The following NTNG1 variants were observed in gnomAD, a reference collection of about 807,000 sequenced individuals.
NTNG1 encodes the protein netrin-G1.
Under a neutral mutation model 54.0 loss-of-function variants are expected in NTNG1, and 16 were observed. That is an observed-to-expected ratio of 0.30 (90% confidence interval 0.20 to 0.45). The LOEUF is 0.45. Among genes scored for constraint, NTNG1 ranks in the 20% least tolerant of loss-of-function variants. NTNG1 has a pLI of 1.00. For synonymous variants in NTNG1, 255 were observed against 263.1 expected, an observed-to-expected ratio of 0.97 and a Z score of 0.30; for missense variants, 530 against 678.7, an observed-to-expected ratio of 0.78 and a Z score of 2.43.
At chr1:107,259,268 A>G (rs990605884) in intron 2 of NTNG1, among the ~76,000 whole-genome samples, 1 of 152,144 alleles carries the variant, frequency 6.6e-6, no homozygotes, top group Non-Finnish European at 1.5e-5. Context: ...AACTGTTTCC[A>G]TCTGCATTAC....
chr1:107,442,992 T>TC (rs1676066590), intron 7 of NTNG1, among the ~76,000 whole-genome samples: 1 of 152,082 alleles, frequency 6.6e-6, no homozygotes, highest in Admixed American at 6.6e-5. Flanking sequence ...AATGACAACT[T>TC]CCCCAGACTC....
At chr1:107,379,704 A>G (rs1671522244) in intron 3 of NTNG1, among the ~76,000 whole-genome samples, 1 of 152,200 alleles carries the variant, frequency 6.6e-6, no homozygotes, top group Non-Finnish European at 1.5e-5. Flanking sequence ...TTTTTTAAAT[A>G]CTTCAAAGAT....
chr1:107,219,260 A>G (rs1220149998), intron 2 of NTNG1, among the ~76,000 whole-genome samples: 4 of 151,854 alleles, frequency 2.6e-5, no homozygotes, highest in Non-Finnish European at 5.9e-5. Context: ...TATTTCCAGA[A>G]GTTGTGATTG....
intron 2 of NTNG1, among the ~76,000 whole-genome samples, chr1:107,232,392 T>C (rs1022402239): frequency 6.6e-6 from 1 of 152,224 alleles, no homozygotes; most frequent in Non-Finnish European, 1.5e-5. Flanking sequence ...CCAGAAACTC[T>C]GGGTCTTGTG....
chr1:107,261,822 G>T (rs533516249), intron 2 of NTNG1, among the ~76,000 whole-genome samples: 1 of 152,298 alleles, frequency 6.6e-6, no homozygotes, highest in African/African-American at 2.4e-5. Context: ...CAGCCTGGGC[G>T]ACAGAGTGAG....
At chr1:107,388,389 G>A (rs1672150495) in intron 3 of NTNG1, among the ~76,000 whole-genome samples, 1 of 152,212 alleles carries the variant, frequency 6.6e-6, no homozygotes, top group Admixed American at 6.5e-5. Context: ...CAGCAAGAGT[G>A]AATGCCCTCT....
At chr1:107,195,153 A>G (rs1658228487) in intron 2 of NTNG1, among the ~76,000 whole-genome samples, 1 of 152,002 alleles carries the variant, frequency 6.6e-6, no homozygotes, top group African/African-American at 2.4e-5. Context: ...CACTGCGACC[A>G]TTTGTGTTTT....
At position 107,374,326 on chromosome 1, in the gene NTNG1, A is replaced by G. The variant is rs574563055; in HGVS notation, c.888-20828A>G. Among the ~76,000 whole-genome samples, 11 of 152,166 alleles carry G rather than the reference A, an allele frequency of 7.2e-5. No individual in the cohort carries two copies. In the East Asian group the frequency reaches 2.1e-3, roughly 29 times the overall value. On this transcript the variant is annotated intron_variant, in intron 3 of 7. Coordinates refer to ENST00000370068, the MANE Select transcript of NTNG1 (RefSeq NM_001113226.3). ...ATTTATTCAAATATTTATTTGGCCC[A>G]CCCATCTCTCTCTCTTCTCCTTTGA...
chr1:107,236,073 C>G (rs573492292), intron 2 of NTNG1, among the ~76,000 whole-genome samples: 36 of 152,142 alleles, frequency 2.4e-4, no homozygotes, highest in Admixed American at 7.2e-4. Flanking sequence ...TGTGTGCACA[C>G]ACACACAGAC....
rs569631015 is a variant in NTNG1 at position 107,197,567 on chromosome 1, A to G, written c.246+48728A>G. On this transcript the variant is annotated intron_variant, in intron 2 of 7. Transcript: ENST00000370068. ...CACCTTGGCTACTCTTTTTATGCTG[A>G]TAAGGCGACACTCAGAGAGTTCAAC... 3.3e-5 allele frequency among the ~76,000 whole-genome samples: 5 copies of G among 152,130 alleles called. No homozygotes were observed. The East Asian group carries it at 9.7e-4, about 29-fold the overall frequency.
chr1:107,372,570 T>G (rs1314874604), intron 3 of NTNG1, among the ~76,000 whole-genome samples: 4 of 152,084 alleles, frequency 2.6e-5, no homozygotes, highest in Non-Finnish European at 5.9e-5. Flanking sequence ...TCAACTTATT[T>G]TATGGCTTAG....
At chr1:107,334,582 C>T (rs536619491) in intron 3 of NTNG1, among the ~76,000 whole-genome samples, 1 of 151,382 alleles carries the variant, frequency 6.6e-6, no homozygotes, top group African/African-American at 2.4e-5. Flanking sequence ...CACATAGAGT[C>T]ATAGCATTGC....
intron 2 of NTNG1, among the ~76,000 whole-genome samples, chr1:107,242,466 C>G (rs1661906627): frequency 6.6e-6 from 1 of 152,178 alleles, no homozygotes; most frequent in Non-Finnish European, 1.5e-5. Flanking sequence ...AGTCTTCCAA[C>G]CACATAGTTG....
chr1:107,243,786 T>C (rs911568715), intron 2 of NTNG1, among the ~76,000 whole-genome samples: 1 of 152,154 alleles, frequency 6.6e-6, no homozygotes, highest in Non-Finnish European at 1.5e-5. Flanking sequence ...GTTTTTTTTT[T>C]CAATATATGA....
At chr1:107,313,251 T>C (rs1354806483) in intron 2 of NTNG1, among the ~76,000 whole-genome samples, 1 of 152,238 alleles carries the variant, frequency 6.6e-6, no homozygotes, top group African/African-American at 2.4e-5. Flanking sequence ...TGGTATTTCC[T>C]CATGATTAGA....
At chr1:107,174,195 A>G (rs551836809) in intron 2 of NTNG1, among the ~76,000 whole-genome samples, 4 of 152,124 alleles carry the variant, frequency 2.6e-5, no homozygotes, top group Non-Finnish European at 5.9e-5. Context: ...GCTTTATGCC[A>G]TATTTTATTT....
At chr1:107,352,108 G>T (rs535240405) in intron 3 of NTNG1, among the ~76,000 whole-genome samples, 1 of 152,226 alleles carries the variant, frequency 6.6e-6, no homozygotes, top group East Asian at 1.9e-4. Context: ...GCTTTCATGG[G>T]TTGGCGTTGA....
At chr1:107,434,182 G>GGT (rs1190706118) in intron 6 of NTNG1, among the ~76,000 whole-genome samples, 1 of 152,152 alleles carries the variant, frequency 6.6e-6, no homozygotes, top group Non-Finnish European at 1.5e-5. Context: ...TTGCTGTAAA[G>GGT]GAACAACTCA....
At chr1:107,443,420 G>C (rs868645965) in intron 7 of NTNG1, among the ~76,000 whole-genome samples, 2 of 127,836 alleles carry the variant, frequency 1.6e-5, no homozygotes, top group Non-Finnish European at 1.7e-5. Flanking sequence ...GGAGGGGATA[G>C]GGGATTAACT....
Sources: gnomAD v4.1 joint callset for allele counts (sites outside exome capture counted in the v4.1 genomes callset) on GRCh38, gnomAD v4.1.1 for gene constraint, MANE v1.5 for transcripts, NCBI Gene and HGNC (gene_info 2026-07-23, HGNC 2026-07-21) for gene names.